DNMT3A: variants seen among roughly 807,000 people sequenced by gnomAD.
DNMT3A encodes the protein DNA methyltransferase 3 alpha.
A neutral mutation model predicts 117.6 loss-of-function variants in DNMT3A; 267 were observed. That is an observed-to-expected ratio of 2.27 (90% CI 2.05 to 2.51). The LOEUF (loss-of-function observed/expected upper bound fraction) is 2.51. Among genes scored for constraint, DNMT3A ranks in the 30% most tolerant of loss-of-function variants. The pLI is 0.00. For missense variants in DNMT3A, 1,029 were observed against 1,260.2 expected (o/e 0.82, Z 2.78); for synonymous variants, 432 against 474.8 (o/e 0.91, Z 1.17).
intron 3 of DNMT3A, 49 bp downstream of exon 3, chr2:25,300,090 G>A (rs746014893): frequency 9.5e-6 from 15 of 1,585,564 alleles, no homozygotes; most frequent in Middle Eastern, 1.7e-4. Flanking sequence ...GGCCAGGCAC[G>A]TGTGTGTTGT....
Position 25,306,562 on chromosome 2 carries a change from G to A in DNMT3A, c.73-6319C>T, listed in dbSNP as rs566471517. ...CCAGAAATGCTAAATAGCTGACAAC[G>A]GTGGTGCCCATCTGGTTCCCAGGCC... On this transcript the variant is annotated intron_variant, in intron 2 of 22. Coordinates refer to ENST00000321117, the MANE Select transcript of DNMT3A (RefSeq NM_022552.5). The surrounding 1 kb of genome is among the most constrained non-coding windows in gnomAD (Gnocchi z 4.1). Among the ~76,000 whole-genome samples, 4 of 152,272 alleles carry A rather than the reference G, an allele frequency of 2.6e-5. No homozygotes were observed. Among genetic ancestry groups the A allele is most frequent in the African/African-American group, 9.6e-5 (4 of 41,558 alleles).
chr2:25,233,129 G>A lies in DNMT3A; in HGVS notation c.*1150C>T, dbSNP rs762214026. ...ACTCCGTACCCTCTGCCATCTTGCC[G>A]AGGGAGTCTCCTTTTAGAAAACAAT... On this transcript the variant is annotated 3_prime_UTR_variant, in exon 23 of 23. Transcript: ENST00000321117. The A allele has an allele frequency of 4.3e-5, 10 of 233,734 alleles. No homozygotes were observed. The highest frequency in any genetic ancestry group is 8.8e-5 in the African/African-American group (4 of 45,338). The allele number at this position is 233,734 out of a possible 1,614,324, so 14.5% of individuals were successfully genotyped here.
chr2:25,247,532 A>G lies in DNMT3A; in HGVS notation c.1014+59T>C. 2.5e-6 allele frequency: 4 copies of G among 1,586,306 alleles called. No homozygotes were observed. Among genetic ancestry groups the G allele is most frequent in the Non-Finnish European group, 3.4e-6 (4 of 1,164,054 alleles). Reference sequence around the variant, plus strand: ...CCAGACTGCCCCCAGCCAAAACCACAGGCCCTGGGATCAAGAACCTTCCCC... The same window carrying G: ...CCAGACTGCCCCCAGCCAAAACCACGGGCCCTGGGATCAAGAACCTTCCCC... On this transcript the variant is annotated intron_variant, in intron 8 of 22. Coordinates refer to ENST00000321117, the MANE Select transcript of DNMT3A (RefSeq NM_022552.5). This position sits in a 1 kb window ranked among gnomAD's most constrained non-coding sequence, Gnocchi z 5.6.
In DNMT3A at chr2:25,240,419, GTAGAACTCAA is replaced by G. The variant is rs1341744948; in HGVS notation, c.2195_2204del (p.Phe732SerfsTer44). The G allele has an allele frequency of 6.2e-7, 1 of 1,612,666 alleles. No homozygotes were observed. Among genetic ancestry groups the G allele is most frequent in the Non-Finnish European group, 8.5e-7 (1 of 1,179,326 alleles). On this transcript the variant is annotated frameshift_variant, in exon 19 of 23. Coordinates refer to ENST00000321117, the MANE Select transcript of DNMT3A (RefSeq NM_022552.5). LOFTEE classifies it high-confidence loss of function. ...TGGGCCGCGCATCATGCAGGAGGCGGTAGAACTCAAAGAAGAGCCGGCCAGTGCCCTCTGA... is the reference window on the plus strand; with the variant it reads ...TGGGCCGCGCATCATGCAGGAGGCGGAGAAGAGCCGGCCAGTGCCCTCTGA...
chr2:25,267,146 G>C (rs954227678), intron 6 of DNMT3A, among the ~76,000 whole-genome samples: 10 of 152,158 alleles, frequency 6.6e-5, no homozygotes, highest in South Asian at 4.1e-4. Flanking sequence ...CTACAGTGTG[G>C]TTCCATTTGT....
At chr2:25,276,238 G>GGCCCCT (rs1367811544) in intron 4 of DNMT3A, among the ~76,000 whole-genome samples, 1 of 152,170 alleles carries the variant, frequency 6.6e-6, no homozygotes, top group Non-Finnish European at 1.5e-5. Flanking sequence ...CCCATGCTCA[G>GGCCCCT]GCCCCTGAGC....
In DNMT3A at chr2:25,296,168, C is replaced by T. The variant is rs2033076485; in HGVS notation, c.177+3971G>A. On this transcript the variant is annotated intron_variant, in intron 3 of 22. Coordinates refer to ENST00000321117, the MANE Select transcript of DNMT3A (RefSeq NM_022552.5). The surrounding 1 kb of genome is among the most constrained non-coding windows in gnomAD (Gnocchi z 4.2). ...ACCACTGCAGTCCCATGTGTGTGAT[C>T]GGTGGGCTTGGAACTTGTCTTTATC... is the stretch of plus-strand genomic sequence containing the variant. Among the ~76,000 whole-genome samples, 1 of 152,136 alleles carries T rather than the reference C, an allele frequency of 6.6e-6. No homozygotes were observed.
intron 1 of DNMT3A, among the ~76,000 whole-genome samples, chr2:25,315,503 G>A (rs907089584): frequency 1.3e-5 from 2 of 152,218 alleles, no homozygotes; most frequent in African/African-American, 2.4e-5. Context: ...GCACAGCGCA[G>A]TGCTGGGCTT....
chr2:25,237,696 C>T lies in DNMT3A; in HGVS notation c.2409-691G>A, dbSNP rs994694610. Reference sequence around the variant, plus strand: ...AGGAGAATCGCTTGAACCTGGGAGGCGGAGGCTGCAGTGAGCCAGGATGGC... The same window carrying T: ...AGGAGAATCGCTTGAACCTGGGAGGTGGAGGCTGCAGTGAGCCAGGATGGC... On this transcript the variant is annotated intron_variant, in intron 20 of 22. Coordinates refer to ENST00000321117, the MANE Select transcript of DNMT3A (RefSeq NM_022552.5). This position sits in a 1 kb window ranked among gnomAD's most constrained non-coding sequence, Gnocchi z 5.4. 2.6e-5 allele frequency among the ~76,000 whole-genome samples: 4 copies of T among 151,020 alleles called. No individual in the cohort carries two copies. The highest frequency in any genetic ancestry group is 2.1e-4 in the South Asian group (1 of 4,754).
Position 25,257,432 on chromosome 2 carries a change from G to A in DNMT3A, c.640-9180C>T, listed in dbSNP as rs1420161860. Among the ~76,000 whole-genome samples the A allele has an allele frequency of 6.6e-6, 1 of 152,170 alleles. No homozygotes were observed. The highest frequency in any genetic ancestry group is 1.5e-5 in the Non-Finnish European group (1 of 68,034). On this transcript the variant is annotated intron_variant, in intron 6 of 22. Transcript: ENST00000321117. The surrounding 1 kb of genome is among the most constrained non-coding windows in gnomAD (Gnocchi z 4.8). Reference sequence around the variant, plus strand: ...CCCCTGGAAGGGAGGCCTCTGCTTGGAGCTTGTTGTTATGGCAACATCCCC... The same window carrying A: ...CCCCTGGAAGGGAGGCCTCTGCTTGAAGCTTGTTGTTATGGCAACATCCCC...
chr2:25,237,573 T>A lies in DNMT3A; in HGVS notation c.2409-568A>T, dbSNP rs1673507823. On this transcript the variant is annotated intron_variant, in intron 20 of 22. Coordinates refer to ENST00000321117, the MANE Select transcript of DNMT3A (RefSeq NM_022552.5). This position sits in a 1 kb window ranked among gnomAD's most constrained non-coding sequence, Gnocchi z 5.4. ...ACCTGAGGTCAGGAGTTTGAGTCCA[T>A]CCTGATCAACATGGTGAAACCCGGT... Among the ~76,000 whole-genome samples the A allele has an allele frequency of 6.6e-6, 1 of 152,082 alleles. No individual in the cohort carries two copies. Among genetic ancestry groups the A allele is most frequent in the Non-Finnish European group, 1.5e-5 (1 of 68,008 alleles).
At chr2:25,261,854 G>A (rs1212932788) in intron 6 of DNMT3A, among the ~76,000 whole-genome samples, 4 of 151,856 alleles carry the variant, frequency 2.6e-5, no homozygotes, top group Admixed American at 6.6e-5. Flanking sequence ...TCCTGCCTGT[G>A]CGTCCCCTCC....
rs761934754 is a variant in DNMT3A, at chr2:25,240,418, G to T, written c.2206C>A (p.Arg736Ser). The change falls in exon 19 of 23, where the codon CGC (arginine) becomes AGC (serine). Residue 736 changes from arginine (R) to serine (S), a missense_variant. Arg to Ser is a moderately radical substitution (Grantham distance 110, BLOSUM62 -1). Transcript: ENST00000321117. ...GTGRLFFEFYRLLHDARPKEG... is the reference protein window; with the variant it reads ...GTGRLFFEFYSLLHDARPKEG... ...TTGGGCCGCGCATCATGCAGGAGGCGGTAGAACTCAAAGAAGAGCCGGCCA... is the reference window on the plus strand; with the variant it reads ...TTGGGCCGCGCATCATGCAGGAGGCTGTAGAACTCAAAGAAGAGCCGGCCA... The T allele has an allele frequency of 1.9e-6, 3 of 1,612,360 alleles. No homozygotes were observed. Among genetic ancestry groups the T allele is most frequent in the African/African-American group, 1.3e-5 (1 of 74,842 alleles).
intron 6 of DNMT3A, among the ~76,000 whole-genome samples, chr2:25,274,496 C>T (rs993364425): frequency 6.6e-6 from 1 of 152,226 alleles, no homozygotes; most frequent in African/African-American, 2.4e-5. Context: ...CCAAACAAGT[C>T]AAGGCCTTGC....
intron 1 of DNMT3A, among the ~76,000 whole-genome samples, chr2:25,328,245 C>T (rs2034861793): frequency 6.6e-6 from 1 of 152,198 alleles, no homozygotes; most frequent in South Asian, 2.1e-4. Flanking sequence ...AAGATTTGCA[C>T]ACGTGGTAAA....
In DNMT3A at chr2:25,237,765, C is replaced by CAA. The variant is rs142057723; in HGVS notation, c.2409-762_2409-761dup. 1.1e-4 allele frequency among the ~76,000 whole-genome samples: 12 copies of CAA among 110,272 alleles called. No homozygotes were observed. Among genetic ancestry groups the CAA allele is most frequent in the Non-Finnish European group, 1.9e-4 (10 of 51,450 alleles). 72.3% of individuals were successfully genotyped at this position (110,272 alleles called of 152,430 possible). A position where few individuals can be genotyped will look rare whatever the true frequency, so the allele number is the denominator to read the frequency against. On this transcript the variant is annotated intron_variant, in intron 20 of 22. Coordinates refer to ENST00000321117, the MANE Select transcript of DNMT3A (RefSeq NM_022552.5). The surrounding 1 kb of genome is among the most constrained non-coding windows in gnomAD (Gnocchi z 5.4). Reference sequence around the variant, plus strand: ...GGGCGACAGAGCAAGACTCTGTCTCCAAAAAAAAAAAAAACCAGACTTAAA... The same window carrying CAA: ...GGGCGACAGAGCAAGACTCTGTCTCCAAAAAAAAAAAAAAAACCAGACTTAAA...
intron 15 of DNMT3A, 81 bp downstream of exon 15, chr2:25,244,074 C>T: frequency 1.9e-6 from 3 of 1,596,504 alleles, no homozygotes; most frequent in Middle Eastern, 3.7e-4. Flanking sequence ...CCTAGACCCA[C>T]ACACCCTGCG....
Position 25,282,794 on chromosome 2 carries a change from C to G in DNMT3A, c.178-83G>C. The G allele has an allele frequency of 6.9e-7, 1 of 1,449,970 alleles. No homozygotes were observed. The allele number at this position is 1,449,970 out of a possible 1,614,324, so 89.8% of individuals were successfully genotyped here. A position where few individuals can be genotyped will look rare whatever the true frequency, so the allele number is the denominator to read the frequency against. On this transcript the variant is annotated intron_variant, in intron 3 of 22. Coordinates refer to ENST00000321117, the MANE Select transcript of DNMT3A (RefSeq NM_022552.5). This position sits in a 1 kb window ranked among gnomAD's most constrained non-coding sequence, Gnocchi z 5.2. ...TTGGATCATTGACCGCTCTGAAATT[C>G]TAGAGAATGTTATGCACTTTCTGTC... is the stretch of plus-strand genomic sequence containing the variant.
upstream of DNMT3A, among the ~76,000 whole-genome samples, chr2:25,342,253 G>T (rs2035492985): frequency 6.7e-6 from 1 of 148,290 alleles, no homozygotes; most frequent in African/African-American, 2.5e-5. The surrounding 1 kb of genome is among the most constrained non-coding windows in gnomAD (Gnocchi z 5.9). Context: ...GGCCTCTGCG[G>T]CCCCGCCGGG....
Sources: allele counts gnomAD v4.1 joint callset (sites outside exome capture counted in the v4.1 genomes callset), GRCh38; gene constraint gnomAD v4.1.1; non-coding constraint Gnocchi (gnomAD v3.1); transcripts MANE v1.5; gene names NCBI Gene and HGNC (gene_info 2026-07-23, HGNC 2026-07-21).